The following EML6 variants were observed in gnomAD, a reference collection of about 807,000 sequenced individuals.
EML6 encodes the protein EMAP like 6, also known as echinoderm microtubule-associated protein-like 6.
In EML6, 154 loss-of-function variants were observed where a neutral mutation model predicts 240.1. The observed-to-expected ratio is 0.64, with a 90% CI of 0.56 to 0.73. The LOEUF is 0.73. EML6 is among the 30% of genes least tolerant of loss of function. The probability of loss-of-function intolerance (pLI) is 0.00; values close to 1 mark genes in which losing one functional copy is unlikely to be tolerated. For synonymous variants in EML6, 1,148 were observed against 899.0 expected (o/e 1.28, Z -4.95); for missense variants, 2,964 against 2,474.6 (o/e 1.20, Z -4.20).
chr2:54,823,878 T>TCTCTCTCTCTCTCTCTCTCTCTCTCTG (rs60937620), intron 5 of EML6, among the ~76,000 whole-genome samples: 3 of 129,120 alleles, frequency 2.3e-5, no homozygotes, highest in African/African-American at 1.0e-4. Context: ...CTCTCTCTCT[T>TCTCTCTCTCTCTCTCTCTCTCTCTCTG]TCTGTCTCTC....
At chr2:54,890,646 A>G (rs553991941) in intron 17 of EML6, among the ~76,000 whole-genome samples, 5 of 152,164 alleles carry the variant, frequency 3.3e-5, no homozygotes, top group Admixed American at 2.6e-4. Flanking sequence ...GATTCATGTG[A>G]AGCTTTTCGT....
intron 2 of EML6, among the ~76,000 whole-genome samples, chr2:54,780,162 C>G (rs1401713960): frequency 1.3e-5 from 2 of 152,114 alleles, no homozygotes; most frequent in African/African-American, 4.8e-5. Flanking sequence ...TAATCGTTTA[C>G]AGTTTTTTAC....
At chr2:54,846,090 G>C (rs910948972) in intron 8 of EML6, among the ~76,000 whole-genome samples, 2 of 152,170 alleles carry the variant, frequency 1.3e-5, no homozygotes, top group Non-Finnish European at 2.9e-5. Flanking sequence ...TGTTTGAGCT[G>C]CAATTGCCCC....
At chr2:54,868,103 T>A (rs1203518574) in intron 14 of EML6, 1 of 152,218 alleles carries the variant, frequency 6.6e-6, no homozygotes, top group Non-Finnish European at 1.5e-5. Context: ...CTCATAAGTT[T>A]TTATATTGAT....
chr2:54,892,401 T>C (rs1172836481), intron 18 of EML6, 53 bp from the exon 19 acceptor site: 2 of 1,251,694 alleles, frequency 1.6e-6, no homozygotes, highest in Non-Finnish European at 2.3e-6. Flanking sequence ...TTCTACATGC[T>C]TATAGGAAGT....
chr2:54,801,202 C>T (rs529452699), intron 2 of EML6, among the ~76,000 whole-genome samples: 1 of 151,946 alleles, frequency 6.6e-6, no homozygotes, highest in South Asian at 2.1e-4. Flanking sequence ...CGCCTGTAGT[C>T]CCAGATCCTC....
At chr2:54,863,104 T>C (rs1386968609) in intron 12 of EML6, among the ~76,000 whole-genome samples, 1 of 152,238 alleles carries the variant, frequency 6.6e-6, no homozygotes, top group Non-Finnish European at 1.5e-5. Context: ...AATGAAAAAT[T>C]ATTTGAATAA....
At position 54,795,637 on chromosome 2, in the gene EML6, G is replaced by A. The variant is rs1669723785; in HGVS notation, c.198-17595G>A. On this transcript the variant is annotated intron_variant, in intron 2 of 41. Coordinates refer to ENST00000356458, the MANE Select transcript of EML6 (RefSeq NM_001039753.4). ...ATGTCTGGGTCTGGCGTCCTCAGTG[G>A]GCCTCAGTACTGTACAGTCATGTAC... is the stretch of plus-strand genomic sequence containing the variant. 3.5e-5 allele frequency among the ~76,000 whole-genome samples: 5 copies of A among 142,404 alleles called. No individual in the cohort carries two copies. In the South Asian group the frequency reaches 8.9e-4, roughly 25 times the overall value. The allele number at this position is 142,404 out of a possible 152,430, so 93.4% of individuals were successfully genotyped here. A position where few individuals can be genotyped will look rare whatever the true frequency, so the allele number is the denominator to read the frequency against.
At chr2:54,951,973 G>T (rs1013372414) in intron 30 of EML6, among the ~76,000 whole-genome samples, 1 of 152,168 alleles carries the variant, frequency 6.6e-6, no homozygotes, top group Non-Finnish European at 1.5e-5. Flanking sequence ...GGCTATTATG[G>T]AAGTCAGCAA....
At chr2:54,760,822 ATTT>A (rs200476039) in intron 2 of EML6, among the ~76,000 whole-genome samples, 14 of 120,384 alleles carry the variant, frequency 1.2e-4, no homozygotes, top group Admixed American at 1.7e-4. Flanking sequence ...TTGAGGGAGC[ATTT>A]TTTTTTTTTT....
chr2:54,753,090 C>T (rs938798742), intron 2 of EML6, among the ~76,000 whole-genome samples: 2 of 152,192 alleles, frequency 1.3e-5, no homozygotes, highest in African/African-American at 4.8e-5. Flanking sequence ...ACATGTTTAG[C>T]CTTAATAGGT....
chr2:54,731,835 T>C (rs1683185261), intron 2 of EML6, among the ~76,000 whole-genome samples: 1 of 152,166 alleles, frequency 6.6e-6, no homozygotes, highest in Non-Finnish European at 1.5e-5. Context: ...CTGCAGCCTC[T>C]CCTATCCTCA....
intron 28 of EML6, among the ~76,000 whole-genome samples, chr2:54,934,112 C>G (rs34039455): frequency 5.3e-5 from 8 of 152,206 alleles, no homozygotes; most frequent in African/African-American, 9.6e-5. Flanking sequence ...TATTATATGA[C>G]TGGATGGTAA....
At chr2:54,869,497 T>G (rs1305478999) in intron 15 of EML6, 130 bp downstream of exon 15, 9 of 724,820 alleles carry the variant, frequency 1.2e-5, no homozygotes, top group Non-Finnish European at 2.0e-5. Flanking sequence ...GATTGAATGA[T>G]CATTGGATCC....
intron 17 of EML6, chr2:54,879,893 G>A: frequency 2.1e-6 from 1 of 476,482 alleles, no homozygotes; most frequent in Non-Finnish European, 3.7e-6. Flanking sequence ...CATTTTGAGT[G>A]GTCTGTGTAA....
chr2:54,797,597 T>C (rs1669891642), intron 2 of EML6, among the ~76,000 whole-genome samples: 1 of 148,524 alleles, frequency 6.7e-6, no homozygotes, highest in African/African-American at 2.5e-5. Flanking sequence ...GCATTATGCC[T>C]AACAACATGT....
At chr2:54,799,343 G>A (rs1669990444) in intron 2 of EML6, among the ~76,000 whole-genome samples, 1 of 151,824 alleles carries the variant, frequency 6.6e-6, no homozygotes, top group South Asian at 2.1e-4. Context: ...TTACAGGCAT[G>A]AGCCACCACG....
intron 17 of EML6, chr2:54,882,471 C>T (rs1271688559): frequency 6.6e-6 from 1 of 151,942 alleles, no homozygotes; most frequent in Non-Finnish European, 1.5e-5. Context: ...GGTAGTGTGA[C>T]TAGGGGAACA....
intron 8 of EML6, among the ~76,000 whole-genome samples, chr2:54,845,806 C>G (rs373743792): frequency 6.6e-6 from 1 of 152,154 alleles, no homozygotes; most frequent in Admixed American, 6.5e-5. Flanking sequence ...TGCCCCATCC[C>G]TTCTGATGGC....
Sources: allele counts gnomAD v4.1 joint callset (sites outside exome capture counted in the v4.1 genomes callset), GRCh38; gene constraint gnomAD v4.1.1; transcripts MANE v1.5; gene names NCBI Gene and HGNC (gene_info 2026-07-23, HGNC 2026-07-21).